Variants in BEND4 observed in about 807,000 individuals in gnomAD.
The protein encoded by BEND4 is BEN domain-containing protein 4.
A neutral mutation model predicts 54.7 loss-of-function variants in BEND4; 27 were observed. That is an observed-to-expected ratio of 0.49 (90% confidence interval 0.36 to 0.68). The LOEUF is 0.68. BEND4 is among the 30% of genes least tolerant of loss of function. The pLI, the probability that BEND4 is intolerant of heterozygous loss-of-function variation, is 0.00. For synonymous variants in BEND4, 327 were observed against 299.5 expected, an observed-to-expected ratio of 1.09 and a Z score of -0.95; for missense variants, 702 against 697.2, an observed-to-expected ratio of 1.01 and a Z score of -0.08.
At chr4:42,147,829 TAAG>T (rs1186723306) in intron 2 of BEND4, among the ~76,000 whole-genome samples, 2 of 152,236 alleles carry the variant, frequency 1.3e-5, no homozygotes, top group African/African-American at 2.4e-5. Flanking sequence ...GATAAGTGAA[TAAG>T]AAGAGGGATG....
In BEND4 at chr4:42,116,978, GTTTCC is replaced by G. The variant is rs1226196513; in HGVS notation, c.*535_*539del. On this transcript the variant is annotated 3_prime_UTR_variant, in exon 6 of 6. Transcript: ENST00000502486. ...CTGCAGATGTTGCCTCTGTTCTCTG[GTTTCC>G]TTTTAGTAATAGACATTATTAATGT... is the stretch of plus-strand genomic sequence containing the variant. The G allele has an allele frequency of 1.3e-5, 2 of 152,212 alleles. No homozygotes were observed. Among genetic ancestry groups the G allele is most frequent in the Non-Finnish European group, 2.9e-5 (2 of 68,130 alleles). The allele number at this position is 152,212 out of a possible 1,614,324, so 9.4% of individuals were successfully genotyped here. A position where few individuals can be genotyped will look rare whatever the true frequency, so the allele number is the denominator to read the frequency against.
chr4:42,144,224 G>T, intron 2 of BEND4: 1 of 581,212 alleles, frequency 1.7e-6, no homozygotes, highest in African/African-American at 1.9e-5. Context: ...TCTAGGAAAC[G>T]GCTGGACTGT....
chr4:42,128,824 T>C (rs1169710195), intron 3 of BEND4, among the ~76,000 whole-genome samples: 1 of 151,406 alleles, frequency 6.6e-6, no homozygotes, highest in Admixed American at 6.6e-5. Context: ...TAGTCCCAGC[T>C]ACTCGGGAGG....
chr4:42,133,422 C>T (rs1336040853), intron 3 of BEND4, among the ~76,000 whole-genome samples: 1 of 152,060 alleles, frequency 6.6e-6, no homozygotes. Context: ...AATTAACTGA[C>T]AAAAAAGCCT....
intron 4 of BEND4, among the ~76,000 whole-genome samples, chr4:42,123,715 A>C (rs1403925675): frequency 1.3e-5 from 2 of 151,138 alleles, no homozygotes; most frequent in Non-Finnish European, 3.0e-5. Context: ...AAAAAAAAAA[A>C]AACAACTTTC....
intron 4 of BEND4, among the ~76,000 whole-genome samples, chr4:42,120,841 A>C (rs1171059259): frequency 6.6e-6 from 1 of 152,194 alleles, no homozygotes; most frequent in African/African-American, 2.4e-5. Flanking sequence ...TGAAAAAAAA[A>C]ATCACTAATA....
intron 4 of BEND4, among the ~76,000 whole-genome samples, chr4:42,123,984 C>T (rs755768585): frequency 1.3e-4 from 20 of 152,254 alleles, no homozygotes; most frequent in South Asian, 6.2e-4. Context: ...GTATTTGGCA[C>T]GGTGGTCTAC....
intron 2 of BEND4, 168 bp downstream of exon 2, chr4:42,151,489 A>G: frequency 3.2e-6 from 2 of 629,824 alleles, no homozygotes; most frequent in East Asian, 3.7e-5. Context: ...GCGGCGCTGG[A>G]GAATCCTCTC....
chr4:42,124,102 C>T (rs1386489787), intron 4 of BEND4, among the ~76,000 whole-genome samples: 1 of 152,204 alleles, frequency 6.6e-6, no homozygotes, highest in Non-Finnish European at 1.5e-5. Flanking sequence ...TGCCTGTAAT[C>T]CCAACACTTT....
intron 2 of BEND4, 63 bp downstream of exon 2, chr4:42,151,594 C>A: frequency 2.1e-6 from 3 of 1,405,886 alleles, no homozygotes; most frequent in South Asian, 1.6e-5. Flanking sequence ...GCTTCTCCTT[C>A]CTGGGTCCCC....
chr4:42,140,822 TG>T (rs1184526728), intron 3 of BEND4, among the ~76,000 whole-genome samples: 31 of 152,180 alleles, frequency 2.0e-4, no homozygotes, highest in African/African-American at 7.0e-4. Flanking sequence ...GATCAAGGAG[TG>T]CCACTAAGCA....
intron 3 of BEND4, among the ~76,000 whole-genome samples, chr4:42,132,922 C>T (rs955909486): frequency 6.6e-5 from 10 of 152,114 alleles, no homozygotes; most frequent in Non-Finnish European, 1.5e-5. Flanking sequence ...GGAAGAATGG[C>T]TATAAAGGCA....
At position 42,117,423 on chromosome 4, in the gene BEND4, A is replaced by T. The variant is rs1257593066; in HGVS notation, c.*95T>A. The T allele has an allele frequency of 3.6e-6, 3 of 844,452 alleles. No individual in the cohort carries two copies. In the East Asian group the frequency reaches 8.0e-5, roughly 22 times the overall value. 52.3% of individuals were successfully genotyped at this position (844,452 alleles called of 1,614,324 possible). A position where few individuals can be genotyped will look rare whatever the true frequency, so the allele number is the denominator to read the frequency against. On this transcript the variant is annotated 3_prime_UTR_variant, in exon 6 of 6. Coordinates refer to ENST00000502486, the MANE Select transcript of BEND4 (RefSeq NM_207406.4). ...GCTGAGAATGTGTAGACTATGGCAGAATGACAGGCTTTGGACTCTCAGGTG... is the reference window on the plus strand; with the variant it reads ...GCTGAGAATGTGTAGACTATGGCAGTATGACAGGCTTTGGACTCTCAGGTG...
At chr4:42,131,017 G>A (rs113569643) in intron 3 of BEND4, among the ~76,000 whole-genome samples, 5,831 of 152,142 alleles carry the variant, frequency 0.038, 387 homozygotes, top group African/African-American at 0.13. Flanking sequence ...GCTAAACAAC[G>A]AGAATACGTG....
At chr4:42,123,893 A>T (rs1482889532) in intron 4 of BEND4, among the ~76,000 whole-genome samples, 1 of 152,102 alleles carries the variant, frequency 6.6e-6, no homozygotes, top group East Asian at 1.9e-4. Flanking sequence ...GCCTTTACTG[A>T]AAACAGGAGG....
intron 3 of BEND4, among the ~76,000 whole-genome samples, chr4:42,142,147 C>T (rs367837203): frequency 1.1e-4 from 16 of 151,402 alleles, no homozygotes; most frequent in Admixed American, 3.3e-4. Context: ...CCTTGTGATC[C>T]GCCCCCCCTC....
chr4:42,126,860 AC>A (rs1181410215), intron 3 of BEND4, among the ~76,000 whole-genome samples: 3 of 148,898 alleles, frequency 2.0e-5, no homozygotes, highest in Admixed American at 2.0e-4. Context: ...AAAAGGAAAA[AC>A]AAAACAAAAC....
At chr4:42,150,826 T>C (rs1463187468) in intron 2 of BEND4, among the ~76,000 whole-genome samples, 1 of 152,160 alleles carries the variant, frequency 6.6e-6, no homozygotes, top group Non-Finnish European at 1.5e-5. Context: ...GAGGCGTTTC[T>C]GTAAGGCTCG....
In BEND4 at chr4:42,143,484, A is replaced by G; in HGVS notation, c.998T>C (p.Val333Ala). Reference sequence around the variant, plus strand: ...TTCATTTTCTTGTTGCAGTGAAATAACCTCCTGCTCCAGCTCTTGGCATCG... The same window carrying G: ...TTCATTTTCTTGTTGCAGTGAAATAGCCTCCTGCTCCAGCTCTTGGCATCG... ...CPRCQELEQE[V>A]ISLQQENEEL... Residue 333 changes from valine to alanine, a missense_variant, in exon 3 of 6, where the codon GTT becomes GCT. Physicochemically the swap from Val to Ala is moderately conservative, Grantham distance 64. Transcript: ENST00000502486. 7 of 1,552,124 alleles carry G rather than the reference A, an allele frequency of 4.5e-6. No homozygotes were observed. The highest frequency in any genetic ancestry group is 6.1e-6 in the Non-Finnish European group (7 of 1,147,098).
Sources: allele counts gnomAD v4.1 joint callset (sites outside exome capture counted in the v4.1 genomes callset), GRCh38; gene constraint gnomAD v4.1.1; transcripts MANE v1.5; gene names NCBI Gene and HGNC (gene_info 2026-07-23, HGNC 2026-07-21).